Variants in NDUFAF7 observed in about 807,000 individuals in gnomAD.
The protein encoded by NDUFAF7 is NADH:ubiquinone oxidoreductase complex assembly factor 7.
A neutral mutation model predicts 47.2 loss-of-function variants in NDUFAF7; 48 were observed. The observed-to-expected ratio is 1.02, with a 90% CI of 0.81 to 1.29. NDUFAF7 has a LOEUF of 1.29. Among genes scored for constraint, NDUFAF7 ranks in the 50% most tolerant of loss-of-function variants. The pLI, the probability that NDUFAF7 is intolerant of heterozygous loss-of-function variation, is 0.00. For missense variants in NDUFAF7, 635 were observed against 537.6 expected (o/e 1.18, Z -1.79); for synonymous variants, 217 against 190.0 (o/e 1.14, Z -1.17).
chr2:37,244,406 G>C (rs967877328), intron 7 of NDUFAF7, among the ~76,000 whole-genome samples: 3 of 152,166 alleles, frequency 2.0e-5, no homozygotes, highest in African/African-American at 4.8e-5. Flanking sequence ...AACTATATTA[G>C]GTAGGTTCTA....
At chr2:37,260,079 C>T in the NDUFAF7 span, 1 of 704,990 alleles carries the variant, frequency 1.4e-6, no homozygotes, top group Admixed American at 3.0e-5. Flanking sequence ...GCATGAGAAT[C>T]ACTTGAATCC....
At chr2:37,263,449 A>T in the NDUFAF7 span, among the ~76,000 whole-genome samples, 1 of 152,152 alleles carries the variant, frequency 6.6e-6, no homozygotes, top group Non-Finnish European at 1.5e-5. Flanking sequence ...CTACCTTACT[A>T]TGTTTAGACC....
downstream of NDUFAF7, chr2:37,253,367 T>C (rs757758142): frequency 1.3e-6 from 2 of 1,587,028 alleles, no homozygotes; most frequent in Admixed American, 1.8e-5. Flanking sequence ...GAAAATGAAA[T>C]TGTAATGATG....
chr2:37,236,112 G>A lies in NDUFAF7; in HGVS notation c.233G>A (p.Arg78His), dbSNP rs764096274. Reference protein sequence around the residue: ...TNPAKGYYVYRDMLGEKGDFI... With the variant: ...TNPAKGYYVYHDMLGEKGDFI... The stretch of plus-strand genomic sequence containing the variant: ...TTTACTCAGGGTTATTATGTGTACC[G>A]TGACATGCTAGGCGAAAAAGGAGAT... Residue 78 changes from arginine to histidine, a missense_variant, in exon 3 of 10, where the codon CGT (arginine) becomes CAT (histidine). By Grantham distance (29) the Arg-to-His change is conservative. Coordinates refer to ENST00000002125, the MANE Select transcript of NDUFAF7 (RefSeq NM_144736.5). The A allele has an allele frequency of 3.6e-5, 58 of 1,612,746 alleles. No homozygotes were observed. Among genetic ancestry groups the A allele is most frequent in the Non-Finnish European group, 4.1e-5 (48 of 1,179,084 alleles).
At chr2:37,244,472 C>A (rs886918938) in intron 7 of NDUFAF7, among the ~76,000 whole-genome samples, 1 of 152,152 alleles carries the variant, frequency 6.6e-6, no homozygotes, top group Non-Finnish European at 1.5e-5. Context: ...CCACACAGAT[C>A]TCAGTTTGAT....
the NDUFAF7 span, chr2:37,268,327 G>A: frequency 2.1e-6 from 1 of 470,962 alleles, no homozygotes; most frequent in Non-Finnish European, 4.4e-6. Context: ...TTCCTCTGAT[G>A]ACAGGAAGTC....
chr2:37,234,347 C>T (rs1223870281), intron 2 of NDUFAF7, among the ~76,000 whole-genome samples: 1 of 152,166 alleles, frequency 6.6e-6, no homozygotes, highest in East Asian at 1.9e-4. Context: ...CTGTCTCAGC[C>T]TCCTAAAGTG....
In NDUFAF7 at chr2:37,231,664, GC is replaced by G; in HGVS notation, c.-38del. On this transcript the variant is annotated 5_prime_UTR_variant, in exon 1 of 10. Coordinates refer to ENST00000002125, the MANE Select transcript of NDUFAF7 (RefSeq NM_144736.5). ...GTGTCTTCTCCCGGAAATGGTCTAA[GC>G]CCCAGCTCCTGGCGGAGCGAGCTAG... 1 of 1,613,948 alleles carries G rather than the reference GC, an allele frequency of 6.2e-7. No homozygotes were observed. Among genetic ancestry groups the G allele is most frequent in the Non-Finnish European group, 8.5e-7 (1 of 1,179,928 alleles).
At chr2:37,257,065 G>C (rs1331204425), downstream of NDUFAF7, 37 of 1,009,528 alleles carry the variant, frequency 3.7e-5, no homozygotes, top group Non-Finnish European at 3.4e-5. Context: ...TCACAGATAA[G>C]GAAATTGTAA....
chr2:37,231,671 C>CA lies in NDUFAF7; in HGVS notation c.-35_-34insA. 6.2e-7 allele frequency: 1 copy of CA among 1,612,198 alleles called. No homozygotes were observed. ...CTCCCGGAAATGGTCTAAGCCCCAG[C>CA]TCCTGGCGGAGCGAGCTAGCCTGCG... On this transcript the variant is annotated 5_prime_UTR_variant, in exon 1 of 10. Transcript: ENST00000002125.
At chr2:37,236,686 CAGG>C (rs544683574) in intron 3 of NDUFAF7, among the ~76,000 whole-genome samples, 11 of 151,122 alleles carry the variant, frequency 7.3e-5, no homozygotes, top group South Asian at 6.3e-4. Flanking sequence ...GAGGCTGAGG[CAGG>C]AGAATGGCGT....
intron 2 of NDUFAF7, among the ~76,000 whole-genome samples, chr2:37,235,206 A>T (rs140374221): frequency 2.1e-3 from 314 of 152,020 alleles, no homozygotes; most frequent in Admixed American, 3.5e-3. Flanking sequence ...TTGAAAAGGG[A>T]GAAGGGTGAG....
At chr2:37,236,737 C>T (rs1442245121) in intron 3 of NDUFAF7, among the ~76,000 whole-genome samples, 19 of 149,404 alleles carry the variant, frequency 1.3e-4, no homozygotes, top group Admixed American at 9.3e-4. Flanking sequence ...GCCAAGATGG[C>T]GCCACTGCAC....
At chr2:37,236,883 T>TA (rs1665845144) in intron 3 of NDUFAF7, among the ~76,000 whole-genome samples, 1 of 151,782 alleles carries the variant, frequency 6.6e-6, no homozygotes, top group South Asian at 2.1e-4. Flanking sequence ...AGAGAAAAGA[T>TA]AAAGAGCATT....
the NDUFAF7 span, chr2:37,269,745 C>A: frequency 1.6e-6 from 2 of 1,214,568 alleles, no homozygotes; most frequent in African/African-American, 3.0e-5. Flanking sequence ...ATGTCAACAT[C>A]TCTGACTTTC....
At chr2:37,247,257 A>C (rs1252485016) in intron 8 of NDUFAF7, 199 bp from the exon 9 acceptor site, 2 of 640,198 alleles carry the variant, frequency 3.1e-6, no homozygotes, top group East Asian at 2.8e-5. Flanking sequence ...TTTGTAGTGT[A>C]TCTCAGGTGA....
intron 7 of NDUFAF7, among the ~76,000 whole-genome samples, chr2:37,244,525 A>T (rs1666709587): frequency 6.6e-6 from 1 of 152,064 alleles, no homozygotes; most frequent in Non-Finnish European, 1.5e-5. Flanking sequence ...TGTTGATCTC[A>T]AGGAATCATT....
chr2:37,242,758 TA>T, intron 6 of NDUFAF7, 65 bp downstream of exon 6: 2 of 1,246,332 alleles, frequency 1.6e-6, no homozygotes, highest in Non-Finnish European at 2.3e-6. Flanking sequence ...TGCCAATGTT[TA>T]TGGTATTTAT....
At chr2:37,234,310 T>A (rs1367034277) in intron 2 of NDUFAF7, among the ~76,000 whole-genome samples, 1 of 152,180 alleles carries the variant, frequency 6.6e-6, no homozygotes, top group African/African-American at 2.4e-5. Flanking sequence ...CAGGCTGGTC[T>A]TGAACTCCTG....
Sources: gnomAD v4.1 joint callset for allele counts (sites outside exome capture counted in the v4.1 genomes callset) on GRCh38, gnomAD v4.1.1 for gene constraint, MANE v1.5 for transcripts, NCBI Gene and HGNC (gene_info 2026-07-23, HGNC 2026-07-21) for gene names.